Variants in TERF2IP observed in about 807,000 individuals in gnomAD.
TERF2IP encodes the protein telomeric repeat-binding factor 2-interacting protein 1.
In TERF2IP, 35 loss-of-function variants were observed where a neutral mutation model predicts 33.3. That is an observed-to-expected ratio of 1.05 (90% CI 0.80 to 1.39). The LOEUF (loss-of-function observed/expected upper bound fraction) is 1.39, where lower values mean the gene tolerates loss of function less well. TERF2IP is among the 40% of genes most tolerant of loss of function. The pLI is 0.00. For missense variants in TERF2IP, 583 were observed against 524.8 expected, an observed-to-expected ratio of 1.11 and a Z score of -1.08; for synonymous variants, 253 against 223.2, an observed-to-expected ratio of 1.13 and a Z score of -1.19.
rs1419245237 is a variant in TERF2IP, at chr16:75,656,627, G to C, written c.*16G>C. 2 of 1,570,328 alleles carry C rather than the reference G, an allele frequency of 1.3e-6. No individual in the cohort carries two copies. Among genetic ancestry groups the C allele is most frequent in the South Asian group, 1.2e-5 (1 of 83,984 alleles). On this transcript the variant is annotated 3_prime_UTR_variant, in exon 3 of 3. Transcript: ENST00000300086. Reference sequence around the variant, plus strand: ...AAAGAAATAATTGGCAAGATAATGAGAAAAGAAAAAAGTCATGGTAGGTGA... The same window carrying C: ...AAAGAAATAATTGGCAAGATAATGACAAAAGAAAAAAGTCATGGTAGGTGA...
In TERF2IP at chr16:75,647,993, G is replaced by A. The variant is rs763444508; in HGVS notation, c.111G>A (p.Pro37=). Residue 37 remains proline (P), a synonymous_variant, in exon 1 of 3, where the codon CCG becomes CCA. Coordinates refer to ENST00000300086, the MANE Select transcript of TERF2IP (RefSeq NM_018975.4). ...SSMSFYVRPS[P]AKRRLSTLIL... ...TGTCCTTCTACGTGCGGCCCAGCCCGGCCAAGCGTCGGCTGTCGACGCTCA... is the reference window on the plus strand; with the variant it reads ...TGTCCTTCTACGTGCGGCCCAGCCCAGCCAAGCGTCGGCTGTCGACGCTCA... The A allele has an allele frequency of 6.2e-7, 1 of 1,613,502 alleles. No homozygotes were observed. Among genetic ancestry groups the A allele is most frequent in the Non-Finnish European group, 8.5e-7 (1 of 1,179,838 alleles).
At position 75,656,355 on chromosome 16, in the gene TERF2IP, T is replaced by C. The variant is rs1288493173; in HGVS notation, c.944T>C (p.Ile315Thr). Residue 315 changes from isoleucine to threonine, a missense_variant, in exon 3 of 3, where the codon ATT (isoleucine) becomes ACT (threonine). By Grantham distance (89) the Ile-to-Thr change is moderately conservative (BLOSUM62 -1). Transcript: ENST00000300086. ...KVSQPEVGAAIKIIRQLMEKF... is the reference protein window; with the variant it reads ...KVSQPEVGAATKIIRQLMEKF... The stretch of plus-strand genomic sequence containing the variant: ...TCTCAACCAGAGGTGGGAGCTGCCA[T>C]TAAGATCATTCGGCAGTTAATGGAG... 4 of 1,614,056 alleles carry C rather than the reference T, an allele frequency of 2.5e-6. No homozygotes were observed. Among genetic ancestry groups the C allele is most frequent in the Non-Finnish European group, 3.4e-6 (4 of 1,180,026 alleles).
rs1291578439 is a variant in TERF2IP, at chr16:75,656,644, G to T, written c.*33G>T. The T allele has an allele frequency of 2.6e-6, 4 of 1,545,414 alleles. No homozygotes were observed. Among genetic ancestry groups the T allele is most frequent in the Non-Finnish European group, 3.5e-6 (4 of 1,149,076 alleles). On this transcript the variant is annotated 3_prime_UTR_variant, in exon 3 of 3. Transcript: ENST00000300086. ...GATAATGAGAAAAGAAAAAAGTCAT[G>T]GTAGGTGAGGTGGTTAAAAAAAATT...
chr16:75,651,253 G>A (rs1200439922), intron 1 of TERF2IP, among the ~76,000 whole-genome samples: 1 of 152,054 alleles, frequency 6.6e-6, no homozygotes, highest in South Asian at 2.1e-4. Context: ...TGTCTAAAGA[G>A]CTCTTTGTCA....
chr16:75,653,100 C>G (rs1384835094), intron 1 of TERF2IP, among the ~76,000 whole-genome samples: 1 of 151,962 alleles, frequency 6.6e-6, no homozygotes, highest in African/African-American at 2.4e-5. Flanking sequence ...AATTTGATTC[C>G]TTTTTAAAGG....
chr16:75,648,717 CTTG>C (rs776783467), intron 1 of TERF2IP, 165 bp downstream of exon 1: 95 of 1,430,368 alleles, frequency 6.6e-5, no homozygotes, highest in Middle Eastern at 1.8e-4. Flanking sequence ...TTCTCGCTCC[CTTG>C]TTGTTTATTA....
chr16:75,650,443 G>C lies in TERF2IP; in HGVS notation c.670+1891G>C, dbSNP rs368023316. ...CAGAGTGGCTGTTAATGGAGTAGGAGGGAGAATTAATTATAGCAGATGAGG... is the reference window on the plus strand; with the variant it reads ...CAGAGTGGCTGTTAATGGAGTAGGACGGAGAATTAATTATAGCAGATGAGG... On this transcript the variant is annotated intron_variant, in intron 1 of 2. Transcript: ENST00000300086. 4.6e-5 allele frequency among the ~76,000 whole-genome samples: 7 copies of C among 152,328 alleles called. No individual in the cohort carries two copies. The East Asian group carries it at 5.8e-4, about 13-fold the overall frequency.
chr16:75,652,462 C>T (rs1287832124), intron 1 of TERF2IP, among the ~76,000 whole-genome samples: 1 of 152,132 alleles, frequency 6.6e-6, no homozygotes, highest in Non-Finnish European at 1.5e-5. Context: ...ACTGCATATA[C>T]CCATCACCCA....
intron 2 of TERF2IP, 37 bp from the exon 3 acceptor site, chr16:75,656,170 G>A: frequency 6.5e-7 from 1 of 1,543,462 alleles, no homozygotes; most frequent in Non-Finnish European, 8.7e-7. Context: ...TCAAGACTTG[G>A]TGATTAGGAG....
chr16:75,648,419 C>T lies in TERF2IP; in HGVS notation c.537C>T (p.Ser179=). 1 of 1,606,180 alleles carries T rather than the reference C, an allele frequency of 6.2e-7. No individual in the cohort carries two copies. The highest frequency in any genetic ancestry group is 8.5e-7 in the Non-Finnish European group (1 of 1,176,922). Residue 179 remains serine (S), a synonymous_variant, in exon 1 of 3, where the codon TCC becomes TCT. Coordinates refer to ENST00000300086, the MANE Select transcript of TERF2IP (RefSeq NM_018975.4). The part of the protein sequence containing the change: ...KSSLTQHSWQ[S]LKDRYLKHLR... ...CGCTCACGCAGCACTCGTGGCAGTC[C>T]CTGAAGGACCGCTACCTCAAGCACC...
At chr16:75,648,715 C>T (rs1457419609) in intron 1 of TERF2IP, 163 bp downstream of exon 1, 3 of 1,430,722 alleles carry the variant, frequency 2.1e-6, no homozygotes, top group Non-Finnish European at 2.7e-6. Context: ...CCTTCTCGCT[C>T]CCTTGTTGTT....
At position 75,648,497 on chromosome 16, in the gene TERF2IP, C is replaced by T; in HGVS notation, c.615C>T (p.Ser205=). The change falls in exon 1 of 3, where the codon TCC becomes TCT. Residue 205 remains serine (S), a synonymous_variant. Transcript: ENST00000300086. ...YLLGDAPVSP[S]SQKLKRKAEE... ...TGGGGGACGCGCCGGTGAGCCCCTC[C>T]TCCCAGAAGCTCAAGCGGAAGGCGG... 1 of 1,585,072 alleles carries T rather than the reference C, an allele frequency of 6.3e-7. No individual in the cohort carries two copies. Among genetic ancestry groups the T allele is most frequent in the Non-Finnish European group, 8.6e-7 (1 of 1,165,130 alleles).
chr16:75,649,647 A>G (rs533750363), intron 1 of TERF2IP, among the ~76,000 whole-genome samples: 2 of 152,240 alleles, frequency 1.3e-5, no homozygotes, highest in African/African-American at 4.8e-5. Context: ...CTCCTTTTTA[A>G]AAAAGATTGC....
chr16:75,648,652 G>A (rs994654893), intron 1 of TERF2IP, 100 bp downstream of exon 1: 14 of 1,438,734 alleles, frequency 9.7e-6, no homozygotes, highest in Non-Finnish European at 1.3e-5. Flanking sequence ...TTCGGTAGCA[G>A]CGCTTGGCCC....
Position 75,654,410 on chromosome 16 carries a change from G to T in TERF2IP, c.795+13G>T. 2 of 1,609,224 alleles carry T rather than the reference G, an allele frequency of 1.2e-6. No individual in the cohort carries two copies. The highest frequency in any genetic ancestry group is 2.2e-5 in the South Asian group (2 of 90,908). On this transcript the variant is annotated intron_variant, in intron 2 of 2. Transcript: ENST00000300086. ...TGAGGAGGTTGTGGTATGTTAACTA[G>T]ATTTACTCATTATTTTTTTCCCTAC...
intron 1 of TERF2IP, among the ~76,000 whole-genome samples, chr16:75,651,336 C>T (rs189898424): frequency 1.3e-4 from 19 of 151,806 alleles, no homozygotes; most frequent in Non-Finnish European, 2.2e-4. Context: ...AGGAAGTTCC[C>T]AGAAAAGGAA....
At position 75,648,039 on chromosome 16, in the gene TERF2IP, GT is replaced by G; in HGVS notation, c.158del (p.Val53GlyfsTer90). On this transcript the variant is annotated frameshift_variant, in exon 1 of 3. Coordinates refer to ENST00000300086, the MANE Select transcript of TERF2IP (RefSeq NM_018975.4). LOFTEE classifies it high-confidence loss of function. The part of the protein sequence containing the change: ...STLILHGGGT[V>X]CRVQEPGAVL... ...GCTCATCCTGCACGGCGGCGGCACC[GT>G]GTGCCGAGTGCAGGAGCCCGGGGCC... is the stretch of plus-strand genomic sequence containing the variant. 1 of 1,608,860 alleles carries G rather than the reference GT, an allele frequency of 6.2e-7. No individual in the cohort carries two copies. The highest frequency in any genetic ancestry group is 2.2e-5 in the East Asian group (1 of 44,658).
chr16:75,647,855 G>T lies in TERF2IP; in HGVS notation c.-28G>T. 1.3e-6 allele frequency: 2 copies of T among 1,598,460 alleles called. No individual in the cohort carries two copies. Among genetic ancestry groups the T allele is most frequent in the Non-Finnish European group, 8.5e-7 (1 of 1,170,306 alleles). ...TGTGCCAGGCGCTCGCGAGGGGGTA[G>T]CTCTTCTAGTAGTGCTCGGCGTCAG... On this transcript the variant is annotated 5_prime_UTR_variant, in exon 1 of 3. Coordinates refer to ENST00000300086, the MANE Select transcript of TERF2IP (RefSeq NM_018975.4).
Position 75,648,079 on chromosome 16 carries a change from A to G in TERF2IP, c.197A>G (p.Gln66Arg). Residue 66 changes from glutamine to arginine, a missense_variant, in exon 1 of 3, where the codon CAG becomes CGG. Coordinates refer to ENST00000300086, the MANE Select transcript of TERF2IP (RefSeq NM_018975.4). ...GAGCCCGGGGCCGTGCTGCTGGCCCAGCCCGGGGAGGCGCTGGCCGAGGCC... is the reference window on the plus strand; with the variant it reads ...GAGCCCGGGGCCGTGCTGCTGGCCCGGCCCGGGGAGGCGCTGGCCGAGGCC... ...VQEPGAVLLA[Q>R]PGEALAEASG... 1 of 1,574,090 alleles carries G rather than the reference A, an allele frequency of 6.4e-7. No homozygotes were observed. Among genetic ancestry groups the G allele is most frequent in the Non-Finnish European group, 8.6e-7 (1 of 1,160,018 alleles).
Sources: allele counts gnomAD v4.1 joint callset (sites outside exome capture counted in the v4.1 genomes callset), GRCh38; gene constraint gnomAD v4.1.1; transcripts MANE v1.5; gene names NCBI Gene and HGNC (gene_info 2026-07-23, HGNC 2026-07-21).